The following NELL1 variants were observed in gnomAD, a reference collection of about 807,000 sequenced individuals.
The protein encoded by NELL1 is protein kinase C-binding protein NELL1.
A neutral mutation model predicts 107.4 loss-of-function variants in NELL1; 76 were observed. The ratio of observed to expected loss-of-function variants is 0.71; its 90% CI spans 0.59 to 0.86. NELL1 has a LOEUF of 0.86. NELL1 is among the 40% of genes least tolerant of loss of function. NELL1 has a pLI of 0.00. For missense variants in NELL1, 1,024 were observed against 1,005.5 expected (o/e 1.02, Z -0.25); for synonymous variants, 353 against 341.2 (o/e 1.03, Z -0.38).
intron 15 of NELL1, among the ~76,000 whole-genome samples, chr11:21,531,765 G>A (rs1855995665): frequency 6.6e-6 from 1 of 152,162 alleles, no homozygotes; most frequent in Admixed American, 6.6e-5. Flanking sequence ...TTGTTTGCCT[G>A]TAGGGAGTGC....
At chr11:21,273,467 G>C (rs1243304699) in intron 14 of NELL1, among the ~76,000 whole-genome samples, 1 of 152,194 alleles carries the variant, frequency 6.6e-6, no homozygotes, top group African/African-American at 2.4e-5. Context: ...GAACCAAGTT[G>C]GAAAACACTT....
chr11:21,512,174 G>A (rs1347919342), intron 15 of NELL1, among the ~76,000 whole-genome samples: 3 of 152,186 alleles, frequency 2.0e-5, no homozygotes, highest in African/African-American at 7.2e-5. Flanking sequence ...TCCCAGAAGA[G>A]TGAGCTAAGA....
chr11:20,671,072 G>T (rs1188247836), intron 1 of NELL1: 1 of 152,292 alleles, frequency 6.6e-6, no homozygotes, highest in Non-Finnish European at 1.5e-5. Context: ...CTTTCGTCTG[G>T]TTAAGAATGT....
chr11:21,315,948 TA>T (rs1392057251), intron 14 of NELL1, among the ~76,000 whole-genome samples: 1 of 151,994 alleles, frequency 6.6e-6, no homozygotes, highest in Non-Finnish European at 1.5e-5. Context: ...TGGAGTGTTT[TA>T]AAAGCTAAGA....
intron 15 of NELL1, among the ~76,000 whole-genome samples, chr11:21,397,591 C>T (rs1852010382): frequency 6.6e-6 from 1 of 151,526 alleles, no homozygotes; most frequent in African/African-American, 2.4e-5. Context: ...AAACATGTAT[C>T]TATATTAAAT....
chr11:21,068,511 G>A (rs1853934596), intron 12 of NELL1, among the ~76,000 whole-genome samples: 1 of 152,162 alleles, frequency 6.6e-6, no homozygotes, highest in African/African-American at 2.4e-5. Context: ...TGTAGACATG[G>A]AATAGGAACT....
intron 3 of NELL1, among the ~76,000 whole-genome samples, chr11:20,793,440 A>G (rs1857112765): frequency 6.6e-6 from 1 of 152,040 alleles, no homozygotes; most frequent in African/African-American, 2.4e-5. Context: ...GATCTTTTAA[A>G]TGAAACAGTT....
intron 5 of NELL1, among the ~76,000 whole-genome samples, chr11:20,897,266 A>G (rs1849762181): frequency 6.6e-6 from 1 of 152,214 alleles, no homozygotes; most frequent in Non-Finnish European, 1.5e-5. Flanking sequence ...CCACATATCT[A>G]CAACTATCTG....
intron 14 of NELL1, among the ~76,000 whole-genome samples, chr11:21,239,553 C>A (rs1188886583): frequency 6.6e-6 from 1 of 152,026 alleles, no homozygotes; most frequent in Admixed American, 6.6e-5. Flanking sequence ...CCTGAAGCAG[C>A]ATGGAATACA....
intron 15 of NELL1, among the ~76,000 whole-genome samples, chr11:21,375,203 C>T (rs574763899): frequency 3.9e-5 from 6 of 152,078 alleles, no homozygotes; most frequent in Non-Finnish European, 7.4e-5. Context: ...GCCTTTGCCC[C>T]CTCCTTTCCC....
intron 15 of NELL1, among the ~76,000 whole-genome samples, chr11:21,522,117 C>T (rs1855740024): frequency 6.6e-6 from 1 of 152,022 alleles, no homozygotes; most frequent in South Asian, 2.1e-4. Context: ...GCCTGTAGTC[C>T]CAGCTGCTGG....
chr11:20,896,473 C>G (rs1444343741), intron 5 of NELL1, among the ~76,000 whole-genome samples: 2 of 152,112 alleles, frequency 1.3e-5, no homozygotes, highest in Admixed American at 1.3e-4. Context: ...GACTTCTTTT[C>G]TTCTTGGTAG....
intron 14 of NELL1, among the ~76,000 whole-genome samples, chr11:21,358,483 T>C (rs567988078): frequency 5.9e-4 from 90 of 151,838 alleles, no homozygotes; most frequent in African/African-American, 2.1e-3. Context: ...CACTGCAACC[T>C]CTGCTCCCAG....
intron 14 of NELL1, among the ~76,000 whole-genome samples, chr11:21,305,740 ATATT>A (rs1849591637): frequency 6.6e-6 from 1 of 151,968 alleles, no homozygotes; most frequent in South Asian, 2.1e-4. Flanking sequence ...TTCTATATAT[ATATT>A]ACATTTGTTA....
chr11:20,772,694 G>A (rs1317435573), intron 2 of NELL1, among the ~76,000 whole-genome samples: 1 of 152,116 alleles, frequency 6.6e-6, no homozygotes, highest in East Asian at 1.9e-4. Context: ...AAGGATGAAG[G>A]AAGGAAAACA....
intron 15 of NELL1, among the ~76,000 whole-genome samples, chr11:21,518,032 G>A (rs775930848): frequency 6.6e-6 from 1 of 151,400 alleles, no homozygotes; most frequent in African/African-American, 2.4e-5. Flanking sequence ...GGAGCCACAA[G>A]CAGACAAAAC....
At chr11:21,346,017 TAAAA>T (rs1850676546) in intron 14 of NELL1, among the ~76,000 whole-genome samples, 1 of 152,162 alleles carries the variant, frequency 6.6e-6, no homozygotes, top group Non-Finnish European at 1.5e-5. Flanking sequence ...GCCATATTAG[TAAAA>T]TGTGTTTCTC....
intron 15 of NELL1, 30 bp downstream of exon 15, chr11:21,370,978 G>T (rs958201537): frequency 6.8e-7 from 1 of 1,477,530 alleles, no homozygotes; most frequent in African/African-American, 1.4e-5. Flanking sequence ...GGGGGATAGG[G>T]ACAAAGATTG....
chr11:20,675,028 T>C (rs903663151), intron 1 of NELL1, among the ~76,000 whole-genome samples: 10 of 152,212 alleles, frequency 6.6e-5, no homozygotes, highest in Admixed American at 6.5e-5. Flanking sequence ...TGCATTTGGC[T>C]GGGCTTGGTT....
Sources: allele counts gnomAD v4.1 joint callset (sites outside exome capture counted in the v4.1 genomes callset), GRCh38; gene constraint gnomAD v4.1.1; transcripts MANE v1.5; gene names NCBI Gene and HGNC (gene_info 2026-07-23, HGNC 2026-07-21).